The following PPP1R13L variants were observed in gnomAD, a reference collection of about 807,000 sequenced individuals.
The protein encoded by PPP1R13L is relA-associated inhibitor.
A neutral mutation model predicts 80.9 loss-of-function variants in PPP1R13L; 50 were observed. The observed-to-expected ratio is 0.62, with a 90% CI of 0.49 to 0.78. The LOEUF (loss-of-function observed/expected upper bound fraction) is 0.78. Among genes scored for constraint, PPP1R13L ranks in the 30% least tolerant of loss-of-function variants. The pLI is 0.00. For missense variants in PPP1R13L, 1,200 were observed against 1,205.9 expected, an observed-to-expected ratio of 1.00 and a Z score of 0.07; for synonymous variants, 602 against 534.3, an observed-to-expected ratio of 1.13 and a Z score of -1.75.
chr19:45,399,720 G>A (rs570403153), intron 1 of PPP1R13L, among the ~76,000 whole-genome samples: 2 of 151,776 alleles, frequency 1.3e-5, no homozygotes, highest in African/African-American at 2.4e-5. Flanking sequence ...TTGGGAGGCC[G>A]AGGTGGATGG....
At chr19:45,401,677 G>A (rs554381084) in intron 1 of PPP1R13L, among the ~76,000 whole-genome samples, 1 of 152,262 alleles carries the variant, frequency 6.6e-6, no homozygotes, top group South Asian at 2.1e-4. Context: ...TCTCCAATTT[G>A]TCTAACCCAG....
chr19:45,389,529 G>A (rs924329336), intron 8 of PPP1R13L, among the ~76,000 whole-genome samples: 2 of 152,112 alleles, frequency 1.3e-5, no homozygotes, highest in African/African-American at 2.4e-5. Context: ...TTTAATCTTG[G>A]CGGGGTGTGG....
In PPP1R13L at chr19:45,392,009, C is replaced by T. The variant is rs758348633; in HGVS notation, c.1686G>A (p.Pro562=). Residue 562 remains proline, a synonymous_variant, in exon 8 of 13, where the codon CCG becomes CCA. Coordinates refer to ENST00000360957, the MANE Select transcript of PPP1R13L (RefSeq NM_006663.4). ...CAGTGATGGGGGACAGCTCTGGCTC[C>T]GGCCCCCCGGGCCCTGGCCCCCCAT... ...HRHGGPGPGG[P]EPELSPITEG... 2.0e-5 allele frequency: 31 copies of T among 1,538,836 alleles called. No individual in the cohort carries two copies. Among genetic ancestry groups the T allele is most frequent in the African/African-American group, 1.5e-4 (11 of 72,094 alleles).
intron 12 of PPP1R13L, 94 bp from the exon 13 acceptor site, chr19:45,380,322 T>G: frequency 6.9e-6 from 10 of 1,442,878 alleles, no homozygotes; most frequent in Non-Finnish European, 7.8e-6. Flanking sequence ...CACCCCTTCC[T>G]AAGGGGACCT....
chr19:45,382,446 CTCT>C (rs755207952), intron 12 of PPP1R13L, 78 bp downstream of exon 12: 4 of 1,505,096 alleles, frequency 2.7e-6, no homozygotes, highest in Non-Finnish European at 3.6e-6. Flanking sequence ...TTCCTGTTGC[CTCT>C]TCTTTTTCCT....
At chr19:45,405,086 G>A (rs1308771994), upstream of PPP1R13L, 9 of 984,136 alleles carry the variant, frequency 9.1e-6, no homozygotes, top group Non-Finnish European at 1.1e-5. Flanking sequence ...CAGGAGCTGG[G>A]AACAGGTTAG....
chr19:45,396,477 G>C lies in PPP1R13L; in HGVS notation c.713-41C>G. 6.2e-7 allele frequency: 1 copy of C among 1,612,316 alleles called. No homozygotes were observed. The highest frequency in any genetic ancestry group is 1.1e-5 in the South Asian group (1 of 91,046). The stretch of plus-strand genomic sequence containing the variant: ...CAGGGAGGATGAGACGGGAGGGGTG[G>C]CGAGCCCCGGATCCTGCCCGCTTTG... On this transcript the variant is annotated intron_variant, in intron 4 of 12. Coordinates refer to ENST00000360957, the MANE Select transcript of PPP1R13L (RefSeq NM_006663.4). This position sits in a 1 kb window ranked among gnomAD's most constrained non-coding sequence, Gnocchi z 5.3.
chr19:45,389,209 ATGT>A (rs1207575499), intron 8 of PPP1R13L, among the ~76,000 whole-genome samples: 5 of 152,090 alleles, frequency 3.3e-5, no homozygotes, highest in Non-Finnish European at 4.4e-5. Flanking sequence ...CCATTTCAAC[ATGT>A]TGTTATTCAT....
chr19:45,398,344 A>G lies in PPP1R13L; in HGVS notation c.-21-5T>C, dbSNP rs764458455. 5 of 1,612,378 alleles carry G rather than the reference A, an allele frequency of 3.1e-6. No individual in the cohort carries two copies. In the African/African-American group the frequency reaches 4.0e-5, roughly 13 times the overall value. On this transcript the variant is annotated splice_region_variant and splice_polypyrimidine_tract_variant and intron_variant, in intron 1 of 12. Coordinates refer to ENST00000360957, the MANE Select transcript of PPP1R13L (RefSeq NM_006663.4). ...GGTGCCGGCCGGAGCGGGCGCCTGC[A>G]TGGTGGGGAGGGAGGGAGCTGGCTA...
chr19:45,395,810 C>T lies in PPP1R13L; in HGVS notation c.980G>A (p.Gly327Asp), dbSNP rs765668559. ...PLASDRRSDA[G>D]SYRRSLGSAG... ...GGAGCCCAGCGAGCGCCGGTAGCTG[C>T]CCGCGTCTGAACGCCGGTCGCTGGC... Residue 327 changes from glycine (G) to aspartate (D), a missense_variant, in exon 7 of 13, where the codon GGC becomes GAC. Gly to Asp is a moderately conservative substitution (Grantham distance 94). This residue lies in a region of PPP1R13L where 764 missense variants were observed against 714.5 expected (regional missense o/e 1.07). Transcript: ENST00000360957. 6.9e-5 allele frequency: 110 copies of T among 1,588,192 alleles called. No homozygotes were observed. Among genetic ancestry groups the T allele is most frequent in the Non-Finnish European group, 9.1e-5 (107 of 1,169,890 alleles).
At chr19:45,389,668 A>C (rs1169596628) in intron 8 of PPP1R13L, among the ~76,000 whole-genome samples, 1 of 152,048 alleles carries the variant, frequency 6.6e-6, no homozygotes, top group Non-Finnish European at 1.5e-5. Context: ...AAATTAGCCA[A>C]GCGTGGTGGC....
rs981196884 is a variant in PPP1R13L at position 45,395,408 on chromosome 19, T to G, written c.1354+28A>C. The G allele has an allele frequency of 1.3e-5, 20 of 1,533,914 alleles. No homozygotes were observed. The African/African-American group carries it at 2.4e-4, about 19-fold the overall frequency. On this transcript the variant is annotated intron_variant, in intron 7 of 12. Transcript: ENST00000360957. ...TGCCATTTGTCCTCCCTTCACCCAG[T>G]CCTCTAGGGCCCTCATTGCTGACTC... is the stretch of plus-strand genomic sequence containing the variant.
At chr19:45,397,731 C>T (rs1973141354) in intron 3 of PPP1R13L, among the ~76,000 whole-genome samples, 1 of 151,810 alleles carries the variant, frequency 6.6e-6, no homozygotes, top group Non-Finnish European at 1.5e-5. Flanking sequence ...AGATTACAGG[C>T]GTGAACCACC....
At chr19:45,389,906 C>T (rs1972936735) in intron 8 of PPP1R13L, among the ~76,000 whole-genome samples, 1 of 148,368 alleles carries the variant, frequency 6.7e-6, no homozygotes, top group Admixed American at 6.7e-5. Flanking sequence ...CGCCATTCTC[C>T]TCTCAGCCTC....
Position 45,380,040 on chromosome 19 carries a change from G to C in PPP1R13L, c.*150C>G. ...AAGGCTGGGGCCCTCCTTCTTCCCT[G>C]GACTTCCAGGAGAACAGAGAACCGG... is the stretch of plus-strand genomic sequence containing the variant. On this transcript the variant is annotated 3_prime_UTR_variant, in exon 13 of 13. Transcript: ENST00000360957. 1 of 857,226 alleles carries C rather than the reference G, an allele frequency of 1.2e-6. No homozygotes were observed. Among genetic ancestry groups the C allele is most frequent in the Non-Finnish European group, 1.8e-6 (1 of 542,164 alleles). The allele number at this position is 857,226 out of a possible 1,614,324, so 53.1% of individuals were successfully genotyped here.
At chr19:45,397,348 ATTTC>A (rs748034837) in intron 3 of PPP1R13L, among the ~76,000 whole-genome samples, 140 of 147,452 alleles carry the variant, frequency 9.5e-4, no homozygotes, top group South Asian at 3.6e-3. Context: ...CCTCTTTTCT[ATTTC>A]TTTCTTTCTT....
chr19:45,385,429 C>T lies in PPP1R13L; in HGVS notation c.2248+133G>A, dbSNP rs532422174. Reference sequence around the variant, plus strand: ...CCCCGCAAGCGGTCCATCCCTCATCCTCCTCCTCGGCAATCCTGCCAAGTG... The same window carrying T: ...CCCCGCAAGCGGTCCATCCCTCATCTTCCTCCTCGGCAATCCTGCCAAGTG... On this transcript the variant is annotated intron_variant, in intron 11 of 12. Transcript: ENST00000360957. The T allele has an allele frequency of 1.4e-5, 16 of 1,127,950 alleles. No homozygotes were observed. The South Asian group carries it at 2.5e-4, about 17-fold the overall frequency. The allele number at this position is 1,127,950 out of a possible 1,614,324, so 69.9% of individuals were successfully genotyped here.
At chr19:45,393,032 A>AAAAAAAAAAC (rs1973010508) in intron 7 of PPP1R13L, 1 of 148,712 alleles carries the variant, frequency 6.7e-6, no homozygotes, top group African/African-American at 2.5e-5. Context: ...AAAAAAAAAA[A>AAAAAAAAAAC]AAAATTAGCT....
rs530369634 is a variant in PPP1R13L at position 45,383,749 on chromosome 19, C to CTTTCT, written c.2249-1028_2249-1024dup. On this transcript the variant is annotated intron_variant, in intron 11 of 12. Transcript: ENST00000360957. Reference sequence around the variant, plus strand: ...GTCCTTTAAGTTGGCTCATCTGCCTCTTTCTTTTCTTTTCTTTTCTTTTCT... The same window carrying CTTTCT: ...GTCCTTTAAGTTGGCTCATCTGCCTCTTTCTTTTCTTTTCTTTTCTTTTCTTTTCT... 2.9e-3 allele frequency among the ~76,000 whole-genome samples: 441 copies of CTTTCT among 152,052 alleles called. 4 individuals carry two copies. Among genetic ancestry groups the CTTTCT allele is most frequent in the African/African-American group, 7.7e-3 (321 of 41,518 alleles).
Sources: allele counts gnomAD v4.1 joint callset (sites outside exome capture counted in the v4.1 genomes callset), GRCh38; gene constraint gnomAD v4.1.1; regional missense constraint gnomAD v4.1.1; non-coding constraint Gnocchi (gnomAD v3.1); transcripts MANE v1.5; gene names NCBI Gene and HGNC (gene_info 2026-07-23, HGNC 2026-07-21).